LRBA: variants seen among roughly 807,000 people sequenced by gnomAD.
LRBA encodes lipopolysaccharide-responsive and beige-like anchor protein.
A neutral mutation model predicts 330.0 loss-of-function variants in LRBA; 176 were observed. That is an observed-to-expected ratio of 0.53 (90% CI 0.47 to 0.60). The LOEUF is 0.60. LRBA is among the 20% of genes least tolerant of loss of function. The pLI is 0.00. For synonymous variants in LRBA, 1,230 were observed against 1,193.0 expected (o/e 1.03, Z -0.64); for missense variants, 3,259 against 3,444.8 (o/e 0.95, Z 1.35).
rs763617372 is a variant in LRBA at position 150,852,633 on chromosome 4, T to C, written c.3077A>G (p.Gln1026Arg). Residue 1026 changes from glutamine (Q) to arginine (R), a missense_variant, in exon 23 of 57, where the codon CAG (glutamine) becomes CGG (arginine). By Grantham distance (43) the Gln-to-Arg change is conservative. Coordinates refer to ENST00000651943, the MANE Select transcript of LRBA (RefSeq NM_001364905.1). ...CAAAGTGCCTTCATCTGGTAACTCCTGATTTTCTTGCTCAGCTTTCATTTC... is the reference window on the plus strand; with the variant it reads ...CAAAGTGCCTTCATCTGGTAACTCCCGATTTTCTTGCTCAGCTTTCATTTC... Reference protein sequence around the residue: ...YEEMKAEQENQELPDEGTLEE... With the variant: ...YEEMKAEQENRELPDEGTLEE... The C allele has an allele frequency of 1.2e-6, 2 of 1,614,106 alleles. No homozygotes were observed. Among genetic ancestry groups the C allele is most frequent in the South Asian group, 1.1e-5 (1 of 91,086 alleles).
intron 37 of LRBA, among the ~76,000 whole-genome samples, chr4:150,633,027 T>C (rs1192723942): frequency 1.3e-5 from 2 of 152,234 alleles, no homozygotes; most frequent in African/African-American, 2.4e-5. Context: ...CTCCAAAATT[T>C]ATATACCCAG....
At chr4:150,578,430 T>C (rs939320891) in intron 40 of LRBA, among the ~76,000 whole-genome samples, 1 of 152,192 alleles carries the variant, frequency 6.6e-6, no homozygotes, top group Non-Finnish European at 1.5e-5. Flanking sequence ...TTTGTATAAA[T>C]AGTTAATTTT....
intron 42 of LRBA, among the ~76,000 whole-genome samples, chr4:150,481,912 A>G (rs918766721): frequency 3.3e-5 from 5 of 152,140 alleles, no homozygotes; most frequent in Non-Finnish European, 5.9e-5. Flanking sequence ...AAATGTGAAT[A>G]TGTATGTTTT....
At chr4:150,607,061 G>A (rs767090347) in intron 37 of LRBA, among the ~76,000 whole-genome samples, 4 of 152,162 alleles carry the variant, frequency 2.6e-5, no homozygotes, top group Non-Finnish European at 4.4e-5. Flanking sequence ...AAATGTAAAA[G>A]GGCTCTGTAA....
intron 22 of LRBA, among the ~76,000 whole-genome samples, chr4:150,866,381 CTACA>C (rs1235215144): frequency 6.6e-6 from 1 of 152,088 alleles, no homozygotes; most frequent in Non-Finnish European, 1.5e-5. Flanking sequence ...AAGAATGAGA[CTACA>C]TAAAGAACTC....
At chr4:150,299,147 A>G (rs988199613) in intron 53 of LRBA, among the ~76,000 whole-genome samples, 2 of 151,970 alleles carry the variant, frequency 1.3e-5, no homozygotes, top group African/African-American at 4.8e-5. Context: ...CTATCTCAGG[A>G]AAAGCACTTT....
chr4:150,903,478 C>T (rs1477165464), intron 13 of LRBA, among the ~76,000 whole-genome samples: 5 of 152,146 alleles, frequency 3.3e-5, no homozygotes, highest in African/African-American at 1.2e-4. Context: ...TGGCTCACAC[C>T]TGTGATCCCA....
chr4:150,529,522 C>G (rs1347788432), intron 40 of LRBA, among the ~76,000 whole-genome samples: 2 of 152,062 alleles, frequency 1.3e-5, no homozygotes, highest in Non-Finnish European at 2.9e-5. Context: ...TCAAGATCAG[C>G]CTGACCAACA....
Position 151,010,474 on chromosome 4 carries a change from T to G in LRBA, c.216+3953A>C, listed in dbSNP as rs183295034. Among the ~76,000 whole-genome samples, 15 of 152,312 alleles carry G rather than the reference T, an allele frequency of 9.8e-5. No homozygotes were observed. The East Asian group carries it at 2.5e-3, about 25-fold the overall frequency. ...ACATTGGTGCACTGTTAATCAAAAT[T>G]TATCTGCAAAACAGATTTGCAAAAG... On this transcript the variant is annotated intron_variant, in intron 2 of 56. Transcript: ENST00000651943.
At chr4:150,457,499 C>T (rs1754229157) in intron 44 of LRBA, among the ~76,000 whole-genome samples, 1 of 151,868 alleles carries the variant, frequency 6.6e-6, no homozygotes, top group East Asian at 1.9e-4. Context: ...ATATTTATTA[C>T]ATTATCCACT....
Position 150,735,382 on chromosome 4 carries a change from G to A in LRBA, c.5646-16C>T, listed in dbSNP as rs756806319. The stretch of plus-strand genomic sequence containing the variant: ...GCTAAGCAACCTGTAAGAAATGAAT[G>A]TTATCAAATAAATATATGTATACAC... On this transcript the variant is annotated splice_polypyrimidine_tract_variant and intron_variant, in intron 35 of 56. Coordinates refer to ENST00000651943, the MANE Select transcript of LRBA (RefSeq NM_001364905.1). The A allele has an allele frequency of 6.7e-7, 1 of 1,491,886 alleles. No homozygotes were observed. Among genetic ancestry groups the A allele is most frequent in the Non-Finnish European group, 9.3e-7 (1 of 1,069,532 alleles). The allele number at this position is 1,491,886 out of a possible 1,614,324, so 92.4% of individuals were successfully genotyped here. A position where few individuals can be genotyped will look rare whatever the true frequency, so the allele number is the denominator to read the frequency against.
intron 48 of LRBA, among the ~76,000 whole-genome samples, chr4:150,346,309 T>G (rs1561045332): frequency 6.6e-6 from 1 of 151,594 alleles, no homozygotes; most frequent in Non-Finnish European, 1.5e-5. Context: ...ATGTATAATA[T>G]AAAAACAAAT....
chr4:150,689,112 C>T (rs903154259), intron 36 of LRBA, among the ~76,000 whole-genome samples: 2 of 152,254 alleles, frequency 1.3e-5, no homozygotes, highest in East Asian at 3.9e-4. Flanking sequence ...ATATACTCCA[C>T]GGAATACTGT....
intron 2 of LRBA, among the ~76,000 whole-genome samples, chr4:150,951,961 T>G (rs556900277): frequency 6.6e-6 from 1 of 152,344 alleles, no homozygotes; most frequent in South Asian, 2.1e-4. Context: ...TATGCTGATA[T>G]GGAAAATGAA....
chr4:150,321,189 AC>A lies in LRBA; in HGVS notation c.7630+1del. On this transcript the variant is annotated splice_donor_variant, in intron 50 of 56. Transcript: ENST00000651943. LOFTEE classifies it high-confidence loss of function. The surrounding 1 kb of genome is among the most constrained non-coding windows in gnomAD (Gnocchi z 4.5). Reference sequence around the variant, plus strand: ...GCCTTATAATGGTATTTCTTTACTTACCAGGAAGGTTGTGCCATTTGTTCAC... The same window carrying A: ...GCCTTATAATGGTATTTCTTTACTTACAGGAAGGTTGTGCCATTTGTTCAC... 1 of 1,606,510 alleles carries A rather than the reference AC, an allele frequency of 6.2e-7. No individual in the cohort carries two copies. The highest frequency in any genetic ancestry group is 1.1e-5 in the South Asian group (1 of 89,410).
chr4:150,513,090 C>G (rs1407192891), intron 40 of LRBA, among the ~76,000 whole-genome samples: 1 of 152,140 alleles, frequency 6.6e-6, no homozygotes, highest in African/African-American at 2.4e-5. Flanking sequence ...ATCAGCAAGA[C>G]CTGTCAAAGA....
At chr4:150,493,034 G>A (rs1220186599) in intron 40 of LRBA, among the ~76,000 whole-genome samples, 1 of 152,192 alleles carries the variant, frequency 6.6e-6, no homozygotes, top group Non-Finnish European at 1.5e-5. Flanking sequence ...AGGCTGGAGT[G>A]AAGTGGTGTG....
intron 37 of LRBA, among the ~76,000 whole-genome samples, chr4:150,601,023 A>G (rs1330777419): frequency 2.0e-5 from 3 of 152,176 alleles, no homozygotes; most frequent in African/African-American, 7.2e-5. Flanking sequence ...CAGTGCGGCA[A>G]TCGGCACAAG....
chr4:150,980,509 G>A (rs1185056854), intron 2 of LRBA, among the ~76,000 whole-genome samples: 1 of 152,160 alleles, frequency 6.6e-6, no homozygotes, highest in Non-Finnish European at 1.5e-5. Flanking sequence ...AAAGAGTGGT[G>A]GCACTTGCCT....
Sources: allele counts gnomAD v4.1 joint callset (sites outside exome capture counted in the v4.1 genomes callset), GRCh38; gene constraint gnomAD v4.1.1; non-coding constraint Gnocchi (gnomAD v3.1); transcripts MANE v1.5; gene names NCBI Gene and HGNC (gene_info 2026-07-23, HGNC 2026-07-21).